The following ZMAT4 variants were observed in gnomAD, a reference collection of about 807,000 sequenced individuals.
ZMAT4 encodes the protein zinc finger matrin-type protein 4.
In ZMAT4, 17 loss-of-function variants were observed where a neutral mutation model predicts 28.7. The observed-to-expected ratio is 0.59, with a 90% CI of 0.41 to 0.89. ZMAT4 has a LOEUF of 0.89. Ranked by LOEUF, ZMAT4 falls within the 40% of genes least tolerant of loss-of-function variation. The probability of loss-of-function intolerance (pLI) is 0.00; values close to 1 mark genes in which losing one functional copy is unlikely to be tolerated. For synonymous variants in ZMAT4, 117 were observed against 109.2 expected (o/e 1.07, Z -0.44); for missense variants, 240 against 283.8 (o/e 0.85, Z 1.11).
At chr8:40,850,924 T>G (rs900412720) in intron 1 of ZMAT4, among the ~76,000 whole-genome samples, 4 of 152,222 alleles carry the variant, frequency 2.6e-5, no homozygotes, top group African/African-American at 9.6e-5. Context: ...TCTATCATTA[T>G]TTACTGTGTT....
intron 6 of ZMAT4, among the ~76,000 whole-genome samples, chr8:40,549,121 C>T (rs1003583127): frequency 6.6e-6 from 1 of 152,078 alleles, no homozygotes; most frequent in African/African-American, 2.4e-5. Context: ...GCCCCTTCTG[C>T]CATGTAAGGA....
chr8:40,639,248 A>G (rs1342895298), intron 5 of ZMAT4, among the ~76,000 whole-genome samples: 1 of 152,120 alleles, frequency 6.6e-6, no homozygotes, highest in African/African-American at 2.4e-5. Flanking sequence ...CACAATTTTT[A>G]ATCTAGTTAT....
intron 2 of ZMAT4, among the ~76,000 whole-genome samples, chr8:40,800,966 T>C (rs945878391): frequency 1.8e-4 from 27 of 151,870 alleles, no homozygotes; most frequent in African/African-American, 6.3e-4. Context: ...ATAAAATCAA[T>C]AAGCCTCAAG....
chr8:40,827,164 T>C (rs1586126300), intron 1 of ZMAT4, among the ~76,000 whole-genome samples: 1 of 152,212 alleles, frequency 6.6e-6, no homozygotes, highest in East Asian at 1.9e-4. Context: ...CTAGGTCTGA[T>C]GCTACCACAT....
chr8:40,537,248 G>T (rs1802876609), intron 6 of ZMAT4, among the ~76,000 whole-genome samples: 1 of 152,040 alleles, frequency 6.6e-6, no homozygotes, highest in African/African-American at 2.4e-5. Context: ...CATTCAGGAC[G>T]ACTGAAAGTA....
At chr8:40,614,291 C>T (rs1410469580) in intron 5 of ZMAT4, among the ~76,000 whole-genome samples, 4 of 152,204 alleles carry the variant, frequency 2.6e-5, no homozygotes, top group Non-Finnish European at 5.9e-5. Flanking sequence ...ATCCTCTTTA[C>T]AATAACATAA....
chr8:40,869,739 G>A (rs1469248237), intron 1 of ZMAT4, among the ~76,000 whole-genome samples: 1 of 152,130 alleles, frequency 6.6e-6, no homozygotes, highest in Non-Finnish European at 1.5e-5. Context: ...TCCTCAAAAA[G>A]CAGCTATTCC....
chr8:40,774,806 A>T (rs1813524967), intron 2 of ZMAT4, among the ~76,000 whole-genome samples: 1 of 152,128 alleles, frequency 6.6e-6, no homozygotes, highest in African/African-American at 2.4e-5. Context: ...GTACAAAAGG[A>T]TTAGCATTGT....
At chr8:40,816,107 G>A (rs1444085513) in intron 2 of ZMAT4, among the ~76,000 whole-genome samples, 1 of 152,076 alleles carries the variant, frequency 6.6e-6, no homozygotes, top group Non-Finnish European at 1.5e-5. Flanking sequence ...TTTCCTCCTG[G>A]GCATCCGGCA....
intron 1 of ZMAT4, among the ~76,000 whole-genome samples, chr8:40,853,935 G>T (rs933389170): frequency 1.3e-5 from 2 of 152,152 alleles, no homozygotes; most frequent in African/African-American, 4.8e-5. Flanking sequence ...TCTGCAGGCT[G>T]TACAGGAAGC....
At chr8:40,724,990 A>G (rs897875155) in intron 3 of ZMAT4, among the ~76,000 whole-genome samples, 1 of 152,188 alleles carries the variant, frequency 6.6e-6, no homozygotes, top group African/African-American at 2.4e-5. Flanking sequence ...TAACCTGTCT[A>G]TATTTTCCAT....
At chr8:40,697,539 C>A in intron 3 of ZMAT4, 138 bp from the exon 4 acceptor site, 1 of 947,174 alleles carries the variant, frequency 1.1e-6, no homozygotes, top group Non-Finnish European at 1.4e-6. Flanking sequence ...TTTTGCCTTG[C>A]TTTCTACTCT....
intron 3 of ZMAT4, among the ~76,000 whole-genome samples, chr8:40,737,016 T>C (rs966429274): frequency 6.6e-6 from 1 of 152,146 alleles, no homozygotes; most frequent in African/African-American, 2.4e-5. Context: ...CTATAAAGCA[T>C]TTGGGCACAG....
chr8:40,693,827 A>G (rs1165487330), intron 4 of ZMAT4, among the ~76,000 whole-genome samples: 1 of 152,228 alleles, frequency 6.6e-6, no homozygotes, highest in East Asian at 1.9e-4. Flanking sequence ...CAGGAGACCC[A>G]GAAGATGCTT....
chr8:40,770,238 A>G (rs1813331991), intron 2 of ZMAT4, among the ~76,000 whole-genome samples: 1 of 152,114 alleles, frequency 6.6e-6, no homozygotes, highest in East Asian at 1.9e-4. Context: ...CCTGGACCAG[A>G]TTCACTGCTT....
chr8:40,786,591 G>T, intron 2 of ZMAT4: 2 of 829,906 alleles, frequency 2.4e-6, no homozygotes, highest in Non-Finnish European at 3.3e-6. Context: ...CAGCCAGCAT[G>T]CACGTTCTGG....
chr8:40,647,172 T>A (rs984774154), intron 5 of ZMAT4, among the ~76,000 whole-genome samples: 1 of 152,140 alleles, frequency 6.6e-6, no homozygotes, highest in Admixed American at 6.5e-5. Context: ...ACCAGGTTCA[T>A]CTCACTAGGG....
intron 5 of ZMAT4, among the ~76,000 whole-genome samples, chr8:40,643,639 T>C (rs1257637012): frequency 6.6e-6 from 1 of 152,046 alleles, no homozygotes; most frequent in Non-Finnish European, 1.5e-5. Flanking sequence ...AGTGCTACAG[T>C]TGTACAGAGC....
intron 4 of ZMAT4, among the ~76,000 whole-genome samples, chr8:40,694,622 A>G (rs1809795904): frequency 6.6e-6 from 1 of 152,070 alleles, no homozygotes; most frequent in Non-Finnish European, 1.5e-5. Context: ...CACCCCCACA[A>G]TGCCTACTTC....
Sources: gnomAD v4.1 joint callset for allele counts (sites outside exome capture counted in the v4.1 genomes callset) on GRCh38, gnomAD v4.1.1 for gene constraint, MANE v1.5 for transcripts, NCBI Gene and HGNC (gene_info 2026-07-23, HGNC 2026-07-21) for gene names.